The following PRKCQ variants were observed in gnomAD, a reference collection of about 807,000 sequenced individuals.
The protein encoded by PRKCQ is protein kinase C theta type.
Under a neutral mutation model 91.2 loss-of-function variants are expected in PRKCQ, and 41 were observed. That is an observed-to-expected ratio of 0.45 (90% CI 0.35 to 0.58). PRKCQ has a LOEUF of 0.58. Ranked by LOEUF, PRKCQ falls within the 20% of genes least tolerant of loss-of-function variation. The pLI, the probability that PRKCQ is intolerant of heterozygous loss-of-function variation, is 0.00. For missense variants in PRKCQ, 673 were observed against 896.5 expected (o/e 0.75, Z 3.18); for synonymous variants, 307 against 316.9 (o/e 0.97, Z 0.33).
At chr10:6,508,358 G>C (rs1838303961) in intron 3 of PRKCQ, among the ~76,000 whole-genome samples, 2 of 152,206 alleles carry the variant, frequency 1.3e-5, no homozygotes, top group African/African-American at 4.8e-5. Flanking sequence ...GTGAGCCGGA[G>C]TAACTAAGAA....
In PRKCQ at chr10:6,497,019, G is replaced by T. The variant is rs760453870; in HGVS notation, c.660+16C>A. On this transcript the variant is annotated intron_variant, in intron 7 of 17. Coordinates refer to ENST00000263125, the MANE Select transcript of PRKCQ (RefSeq NM_006257.5). The surrounding 1 kb of genome is among the most constrained non-coding windows in gnomAD (Gnocchi z 4.5). ...ATAAAAATCACTGCACGTCAAAGAG[G>T]AGTGTAAATACTCACCATGGTTTCT... is the stretch of plus-strand genomic sequence containing the variant. 2 of 1,603,302 alleles carry T rather than the reference G, an allele frequency of 1.2e-6. No individual in the cohort carries two copies. Among genetic ancestry groups the T allele is most frequent in the South Asian group, 1.1e-5 (1 of 90,754 alleles).
chr10:6,501,650 C>G (rs543301877), intron 4 of PRKCQ, among the ~76,000 whole-genome samples: 5 of 151,644 alleles, frequency 3.3e-5, no homozygotes, highest in Non-Finnish European at 7.4e-5. Context: ...GGTGAAACCC[C>G]GTCTCTACTA....
intron 15 of PRKCQ, among the ~76,000 whole-genome samples, chr10:6,443,040 G>A (rs1376780646): frequency 6.6e-6 from 1 of 152,184 alleles, no homozygotes; most frequent in Non-Finnish European, 1.5e-5. Context: ...CGATAGCGGG[G>A]TCTGAGTCTA....
At chr10:6,508,236 C>T (rs1043738317) in intron 3 of PRKCQ, among the ~76,000 whole-genome samples, 1 of 152,148 alleles carries the variant, frequency 6.6e-6, no homozygotes, top group Non-Finnish European at 1.5e-5. Context: ...ACAAGCTGAG[C>T]GCTGTTGTTA....
intron 15 of PRKCQ, among the ~76,000 whole-genome samples, chr10:6,443,026 A>T (rs1408493670): frequency 6.6e-6 from 1 of 152,216 alleles, no homozygotes; most frequent in Admixed American, 6.5e-5. Context: ...AGCTACCTAC[A>T]GCTCGATAGC....
chr10:6,457,001 G>T (rs1012415921), intron 14 of PRKCQ, among the ~76,000 whole-genome samples, 189 bp from the exon 15 acceptor site: 7 of 152,308 alleles, frequency 4.6e-5, no homozygotes, highest in Middle Eastern at 6.8e-3. Flanking sequence ...CACGCTGGCT[G>T]CTATGGATTC....
At chr10:6,395,116 G>T in the PRKCQ span, among the ~76,000 whole-genome samples, 16 of 141,978 alleles carry the variant, frequency 1.1e-4, no homozygotes, top group East Asian at 8.1e-4. Context: ...AGGCTGGAGT[G>T]CAGTGGCTGT....
At chr10:6,418,965 A>ATCTG in the PRKCQ span, among the ~76,000 whole-genome samples, 8 of 81,008 alleles carry the variant, frequency 9.9e-5, no homozygotes, top group African/African-American at 2.9e-4. Context: ...ATATCTATCT[A>ATCTG]TCTATCTATC....
intron 14 of PRKCQ, 111 bp from the exon 15 acceptor site, chr10:6,456,923 G>T (rs775659211): frequency 1.7e-4 from 197 of 1,126,814 alleles, no homozygotes; most frequent in Non-Finnish European, 1.7e-4. Flanking sequence ...AGGGGCTCAC[G>T]AGAGGCGCTT....
intron 1 of PRKCQ, among the ~76,000 whole-genome samples, chr10:6,550,708 C>T (rs547426033): frequency 6.6e-6 from 1 of 152,332 alleles, no homozygotes; most frequent in South Asian, 2.1e-4. Context: ...CAAGACCCTG[C>T]TTTCAATTCC....
At chr10:6,500,755 C>A (rs1458796192) in intron 4 of PRKCQ, among the ~76,000 whole-genome samples, 2 of 151,866 alleles carry the variant, frequency 1.3e-5, no homozygotes, top group African/African-American at 2.4e-5. Flanking sequence ...GTGGTCTAAC[C>A]TATCACTTGT....
At position 6,475,907 on chromosome 10, in the gene PRKCQ, A is replaced by C. The variant is rs375412637; in HGVS notation, c.1353+3085T>G. ...AAAGGACTCAGTTCCTTGAGATCTGAGTCTTGAGCCAGTCAGATTTACATT... is the reference window on the plus strand; with the variant it reads ...AAAGGACTCAGTTCCTTGAGATCTGCGTCTTGAGCCAGTCAGATTTACATT... On this transcript the variant is annotated intron_variant, in intron 12 of 17. Transcript: ENST00000263125. Among the ~76,000 whole-genome samples the C allele has an allele frequency of 1.6e-4, 24 of 152,282 alleles. No individual in the cohort carries two copies. In the East Asian group the frequency reaches 3.3e-3, roughly 21 times the overall value.
chr10:6,395,414 C>A, the PRKCQ span, among the ~76,000 whole-genome samples: 1 of 151,986 alleles, frequency 6.6e-6, no homozygotes, highest in African/African-American at 2.4e-5. Flanking sequence ...ATTCAGGGAT[C>A]AGAGTTTTTA....
the PRKCQ span, among the ~76,000 whole-genome samples, chr10:6,418,190 G>A: frequency 0.036 from 5,531 of 152,246 alleles, 268 homozygotes; most frequent in African/African-American, 0.11. Context: ...CTGTGAAGTC[G>A]CAGAACCTTT....
rs1291555013 is a variant in PRKCQ at position 6,534,788 on chromosome 10, A to C, written c.-9-19644T>G. Among the ~76,000 whole-genome samples, 313 of 140,476 alleles carry C rather than the reference A, an allele frequency of 2.2e-3. 1 individual carries two copies. Among genetic ancestry groups the C allele is most frequent in the African/African-American group, 8.7e-3 (301 of 34,638 alleles). 92.2% of individuals were successfully genotyped at this position (140,476 alleles called of 152,430 possible). On this transcript the variant is annotated intron_variant, in intron 1 of 17. Coordinates refer to ENST00000263125, the MANE Select transcript of PRKCQ (RefSeq NM_006257.5). ...GAAACATATATCTATATATATATAT[A>C]TATAGATATATATATATATATATAA...
chr10:6,425,306 C>T (rs1476262467), downstream of PRKCQ, among the ~76,000 whole-genome samples: 1 of 151,334 alleles, frequency 6.6e-6, no homozygotes, highest in African/African-American at 2.4e-5. Context: ...CTCACTGCGA[C>T]CTCCGCCTCC....
intron 16 of PRKCQ, among the ~76,000 whole-genome samples, chr10:6,438,263 C>A (rs895953628): frequency 1.3e-5 from 2 of 152,206 alleles, no homozygotes; most frequent in African/African-American, 4.8e-5. Flanking sequence ...TTCTAATGCC[C>A]AAGACAAGTT....
chr10:6,433,780 C>T (rs897696839), intron 16 of PRKCQ, among the ~76,000 whole-genome samples: 3 of 152,076 alleles, frequency 2.0e-5, no homozygotes, highest in Admixed American at 6.6e-5. Context: ...CCTGTAATCC[C>T]GTCACTTTGG....
chr10:6,491,657 C>T (rs1199423896), intron 8 of PRKCQ, 26 bp downstream of exon 8: 1 of 1,613,152 alleles, frequency 6.2e-7, no homozygotes, highest in Non-Finnish European at 8.5e-7. Context: ...CCACGTCGGG[C>T]CATGCTCATC....
Sources: gnomAD v4.1 joint callset for allele counts (sites outside exome capture counted in the v4.1 genomes callset) on GRCh38, gnomAD v4.1.1 for gene constraint, Gnocchi (gnomAD v3.1) non-coding constraint, MANE v1.5 for transcripts, NCBI Gene and HGNC (gene_info 2026-07-23, HGNC 2026-07-21) for gene names.